The following RAB11FIP3 variants were observed in gnomAD, a reference collection of about 807,000 sequenced individuals.
RAB11FIP3 encodes the protein RAB11 family interacting protein 3.
RAB11FIP3 carries 17 observed loss-of-function variants against 77.8 expected under a neutral mutation model. That is an observed-to-expected ratio of 0.22 (90% confidence interval 0.15 to 0.33). The LOEUF (loss-of-function observed/expected upper bound fraction) is 0.33. Among genes scored for constraint, RAB11FIP3 ranks in the 10% least tolerant of loss-of-function variants. RAB11FIP3 has a pLI of 1.00. For synonymous variants in RAB11FIP3, 437 were observed against 448.2 expected (o/e 0.98, Z 0.31); for missense variants, 1,005 against 1,011.2 (o/e 0.99, Z 0.08).
intron 1 of RAB11FIP3, among the ~76,000 whole-genome samples, chr16:454,125 C>T (rs1216871035): frequency 6.6e-6 from 1 of 152,150 alleles, no homozygotes; most frequent in Non-Finnish European, 1.5e-5. Context: ...ATCCAGTAGG[C>T]GGGTCTTTGT....
rs1197973177 is a variant in RAB11FIP3 at position 458,799 on chromosome 16, T to G, written c.715-2605T>G. Among the ~76,000 whole-genome samples, 7 of 152,378 alleles carry G rather than the reference T, an allele frequency of 4.6e-5. 1 individual carries two copies. The highest frequency in any genetic ancestry group is 1.7e-4 in the African/African-American group (7 of 41,598). ...CTCTGTGGCTGAATGCTGCCTCCTTTTTCCTTTCTCCCTGGCCCACACTTC... is the reference window on the plus strand; with the variant it reads ...CTCTGTGGCTGAATGCTGCCTCCTTGTTCCTTTCTCCCTGGCCCACACTTC... On this transcript the variant is annotated intron_variant, in intron 1 of 13. Transcript: ENST00000262305.
chr16:481,298 G>T (rs2056037129), intron 3 of RAB11FIP3, among the ~76,000 whole-genome samples: 1 of 150,992 alleles, frequency 6.6e-6, no homozygotes, highest in Non-Finnish European at 1.5e-5. Flanking sequence ...ATCACCTGAG[G>T]TAAGGAGTTT....
intron 7 of RAB11FIP3, among the ~76,000 whole-genome samples, chr16:503,591 G>A (rs1411222208): frequency 1.3e-5 from 2 of 152,070 alleles, no homozygotes; most frequent in African/African-American, 2.4e-5. Flanking sequence ...GTCAAGACCC[G>A]CTTTTCAGCC....
chr16:444,017 A>T (rs189863169), intron 1 of RAB11FIP3, among the ~76,000 whole-genome samples: 1 of 152,176 alleles, frequency 6.6e-6, no homozygotes, highest in African/African-American at 2.4e-5. Flanking sequence ...GTTCCTCTGC[A>T]TGTTAATAAA....
chr16:493,618 T>C (rs947899514), intron 5 of RAB11FIP3, among the ~76,000 whole-genome samples: 2 of 152,140 alleles, frequency 1.3e-5, no homozygotes, highest in Non-Finnish European at 2.9e-5. Context: ...TCTTTTTTCT[T>C]TTTTTTGAGA....
chr16:478,480 G>A (rs1414104474), intron 3 of RAB11FIP3, among the ~76,000 whole-genome samples: 1 of 151,796 alleles, frequency 6.6e-6, no homozygotes, highest in African/African-American at 2.4e-5. Flanking sequence ...CATTAACCAC[G>A]GCGCCCAGCC....
In RAB11FIP3 at chr16:522,649, G is replaced by C. The variant is rs1055336254; in HGVS notation, c.*1810G>C. On this transcript the variant is annotated 3_prime_UTR_variant, in exon 14 of 14. Transcript: ENST00000262305. ...GTCAGACTAAGACCCTTCCAAGGCC[G>C]TAGGATTGCACCTCCAGGCCCAGTG... 6.6e-6 allele frequency: 1 copy of C among 152,250 alleles called. No individual in the cohort carries two copies. The highest frequency in any genetic ancestry group is 2.4e-5 in the African/African-American group (1 of 41,460). The allele number at this position is 152,250 out of a possible 1,614,324, so 9.4% of individuals were successfully genotyped here.
chr16:473,455 C>T (rs1421864722), intron 3 of RAB11FIP3, among the ~76,000 whole-genome samples: 1 of 152,132 alleles, frequency 6.6e-6, no homozygotes, highest in Non-Finnish European at 1.5e-5. Context: ...TTGTTTGAGA[C>T]GGTCTGCTCT....
intron 1 of RAB11FIP3, among the ~76,000 whole-genome samples, chr16:431,492 G>T (rs555633511): frequency 1.3e-5 from 2 of 151,278 alleles, no homozygotes; most frequent in East Asian, 3.9e-4. Flanking sequence ...CGATTGTCTT[G>T]CCTGAGTCTC....
At chr16:496,273 T>C (rs2031119708) in intron 5 of RAB11FIP3, among the ~76,000 whole-genome samples, 1 of 152,230 alleles carries the variant, frequency 6.6e-6, no homozygotes, top group Non-Finnish European at 1.5e-5. Flanking sequence ...GTTTGGCCCA[T>C]GTGCCACTGC....
chr16:466,814 T>C (rs1257948148), intron 2 of RAB11FIP3, among the ~76,000 whole-genome samples: 4 of 152,136 alleles, frequency 2.6e-5, no homozygotes, highest in African/African-American at 9.7e-5. Context: ...CCCGTTCTCC[T>C]TCCCAGCAGC....
rs1042892545 is a variant in RAB11FIP3 at position 461,760 on chromosome 16, A to G, written c.808+263A>G. ...TGCCCCCTTCCTCAAAGATTTCATGATGACAATTTGAGAATTTTCAAAATA... is the reference window on the plus strand; with the variant it reads ...TGCCCCCTTCCTCAAAGATTTCATGGTGACAATTTGAGAATTTTCAAAATA... On this transcript the variant is annotated intron_variant, in intron 2 of 13. Coordinates refer to ENST00000262305, the MANE Select transcript of RAB11FIP3 (RefSeq NM_014700.4). The surrounding 1 kb of genome is among the most constrained non-coding windows in gnomAD (Gnocchi z 4.5). Among the ~76,000 whole-genome samples the G allele has an allele frequency of 6.6e-6, 1 of 152,134 alleles. No homozygotes were observed. The highest frequency in any genetic ancestry group is 2.4e-5 in the African/African-American group (1 of 41,438).
chr16:471,463 C>T lies in RAB11FIP3; in HGVS notation c.903+74C>T, dbSNP rs1029892722. ...TTCCTTTATGCCCTACAGCTCGTGCCTCCTGCCTCCGGGCTGTCTTCCGTA... is the reference window on the plus strand; with the variant it reads ...TTCCTTTATGCCCTACAGCTCGTGCTTCCTGCCTCCGGGCTGTCTTCCGTA... On this transcript the variant is annotated intron_variant, in intron 3 of 13. Coordinates refer to ENST00000262305, the MANE Select transcript of RAB11FIP3 (RefSeq NM_014700.4). The surrounding 1 kb of genome is among the most constrained non-coding windows in gnomAD (Gnocchi z 4.4). 7.9e-7 allele frequency: 1 copy of T among 1,264,874 alleles called. No homozygotes were observed. The highest frequency in any genetic ancestry group is 1.3e-5 in the South Asian group (1 of 78,744). The allele number at this position is 1,264,874 out of a possible 1,614,324, so 78.4% of individuals were successfully genotyped here. A position where few individuals can be genotyped will look rare whatever the true frequency, so the allele number is the denominator to read the frequency against.
chr16:468,221 G>T (rs1343481511), intron 2 of RAB11FIP3, among the ~76,000 whole-genome samples: 6 of 135,538 alleles, frequency 4.4e-5, no homozygotes, highest in South Asian at 2.3e-4. Flanking sequence ...AGGAGGTGCT[G>T]GGGCGTCAGG....
chr16:466,473 G>A (rs979569452), intron 2 of RAB11FIP3, among the ~76,000 whole-genome samples: 3 of 152,116 alleles, frequency 2.0e-5, no homozygotes, highest in Non-Finnish European at 4.4e-5. Flanking sequence ...TGGCTTGGAA[G>A]GTGCCCACTC....
chr16:447,996 A>G (rs2055345147), intron 1 of RAB11FIP3, among the ~76,000 whole-genome samples: 1 of 152,132 alleles, frequency 6.6e-6, no homozygotes, highest in African/African-American at 2.4e-5. Flanking sequence ...GAAAAAGAAA[A>G]AAAACTGTAA....
intron 10 of RAB11FIP3, chr16:519,244 G>T: frequency 1.8e-6 from 1 of 565,670 alleles, no homozygotes; most frequent in South Asian, 2.4e-5. Context: ...CCAGGGCTCT[G>T]AATCTGGGAA....
At chr16:512,202 G>A (rs2032209555) in intron 9 of RAB11FIP3, among the ~76,000 whole-genome samples, 1 of 147,652 alleles carries the variant, frequency 6.8e-6, no homozygotes, top group Non-Finnish European at 1.5e-5. Context: ...TCTAACCAAC[G>A]TATCCAGTCT....
rs1054360 is a variant in RAB11FIP3 at position 522,788 on chromosome 16, G to C, written c.*1949G>C. On this transcript the variant is annotated 3_prime_UTR_variant, in exon 14 of 14. Transcript: ENST00000262305. ...GCAGCACAGGGCTGTGTGGGCATCA[G>C]GGCTCTGGGTCACACGCCTCTGGGG... 0.056 allele frequency: 8,532 copies of C among 152,422 alleles called. 407 individuals carry two copies. Among genetic ancestry groups the C allele is most frequent in the African/African-American group, 0.13 (5,582 of 41,556 alleles). 9.4% of individuals were successfully genotyped at this position (152,422 alleles called of 1,614,324 possible). A position where few individuals can be genotyped will look rare whatever the true frequency, so the allele number is the denominator to read the frequency against.
Sources: allele counts gnomAD v4.1 joint callset (sites outside exome capture counted in the v4.1 genomes callset), GRCh38; gene constraint gnomAD v4.1.1; non-coding constraint Gnocchi (gnomAD v3.1); transcripts MANE v1.5; gene names NCBI Gene and HGNC (gene_info 2026-07-23, HGNC 2026-07-21).